Variants in ULK4 observed in about 807,000 individuals in gnomAD.
The protein encoded by ULK4 is unc-51 like kinase 4.
A neutral mutation model predicts 160.6 loss-of-function variants in ULK4; 133 were observed. That is an observed-to-expected ratio of 0.83 (90% CI 0.72 to 0.96). ULK4 has a LOEUF of 0.96. Ranked by LOEUF, ULK4 falls within the 40% of genes least tolerant of loss-of-function variation. The pLI is 0.00. For synonymous variants in ULK4, 534 were observed against 539.8 expected (o/e 0.99, Z 0.15); for missense variants, 1,580 against 1,499.5 (o/e 1.05, Z -0.89).
intron 32 of ULK4, among the ~76,000 whole-genome samples, chr3:41,516,955 CTA>C (rs2085770066): frequency 6.6e-6 from 1 of 152,070 alleles, no homozygotes; most frequent in Non-Finnish European, 1.5e-5. Context: ...TATACACCTA[CTA>C]TGTACCCATA....
intron 30 of ULK4, among the ~76,000 whole-genome samples, chr3:41,641,110 T>A (rs184263727): frequency 2.0e-5 from 3 of 152,208 alleles, no homozygotes; most frequent in East Asian, 3.9e-4. Flanking sequence ...GCAGCCACTA[T>A]AAGTCTTTTC....
At chr3:41,604,543 T>C (rs533221380) in intron 31 of ULK4, among the ~76,000 whole-genome samples, 1 of 152,236 alleles carries the variant, frequency 6.6e-6, no homozygotes, top group Non-Finnish European at 1.5e-5. Flanking sequence ...TCATTAAACA[T>C]ACATGAAATA....
intron 31 of ULK4, among the ~76,000 whole-genome samples, chr3:41,592,412 G>A (rs943107985): frequency 1.9e-4 from 29 of 152,144 alleles, no homozygotes; most frequent in African/African-American, 6.0e-4. Context: ...AGGCCACAGG[G>A]AGAAAGGGTG....
intron 35 of ULK4, among the ~76,000 whole-genome samples, chr3:41,308,459 T>C (rs2079990114): frequency 6.6e-6 from 1 of 151,168 alleles, no homozygotes; most frequent in South Asian, 2.1e-4. Context: ...AAGTTGATTA[T>C]AGGTATAGAA....
At chr3:41,654,602 T>C (rs1231747046) in intron 30 of ULK4, among the ~76,000 whole-genome samples, 1 of 152,190 alleles carries the variant, frequency 6.6e-6, no homozygotes, top group East Asian at 1.9e-4. Flanking sequence ...AAAGGGAGTC[T>C]TTAAAAAGCT....
intron 35 of ULK4, among the ~76,000 whole-genome samples, chr3:41,374,100 C>A (rs553082098): frequency 3.3e-5 from 5 of 152,244 alleles, no homozygotes; most frequent in South Asian, 2.1e-4. Context: ...GAAGTTGAAT[C>A]CCTGAATAGA....
chr3:41,324,633 G>A (rs573307979), intron 35 of ULK4, among the ~76,000 whole-genome samples: 1 of 152,316 alleles, frequency 6.6e-6, no homozygotes, highest in South Asian at 2.1e-4. Context: ...GCAGGTGGAA[G>A]TGGCCATGGG....
chr3:41,400,995 T>A (rs943541678), intron 34 of ULK4, among the ~76,000 whole-genome samples: 1 of 152,214 alleles, frequency 6.6e-6, no homozygotes, highest in Non-Finnish European at 1.5e-5. Context: ...GGTGTTTGAT[T>A]CTTTATTCTT....
chr3:41,920,420 C>G (rs1383407012), intron 5 of ULK4, among the ~76,000 whole-genome samples: 1 of 152,196 alleles, frequency 6.6e-6, no homozygotes, highest in Non-Finnish European at 1.5e-5. Context: ...TAGTGAAAAG[C>G]CCCATTGTGT....
At chr3:41,444,361 T>TTCTCTCTCTCTCTC (rs56744200) in intron 34 of ULK4, among the ~76,000 whole-genome samples, 1,523 of 146,600 alleles carry the variant, frequency 0.01, 29 homozygotes, top group African/African-American at 0.037. Flanking sequence ...TTTAAGTGAC[T>TTCTCTCTCTCTCTC]TCTCTCTCTC....
rs569105436 is a variant in ULK4, at chr3:41,890,678, CAAAAT to C, written c.1577+4835_1577+4839del. On this transcript the variant is annotated intron_variant, in intron 16 of 36. Transcript: ENST00000301831. The stretch of plus-strand genomic sequence containing the variant: ...TGGGCGACAGAGCAAGACTCTGTCT[CAAAAT>C]AAACAGAAAGAAAAGAAGGGAAGGA... 6.4e-3 allele frequency among the ~76,000 whole-genome samples: 791 copies of C among 122,860 alleles called. 8 individuals are homozygous for C. Among genetic ancestry groups the C allele is most frequent in the African/African-American group, 0.024 (763 of 31,356 alleles). The allele number at this position is 122,860 out of a possible 152,430, so 80.6% of individuals were successfully genotyped here.
chr3:41,599,355 GTAAC>G (rs2031906187), intron 31 of ULK4, among the ~76,000 whole-genome samples: 2 of 152,018 alleles, frequency 1.3e-5, no homozygotes, highest in Non-Finnish European at 2.9e-5. Flanking sequence ...TAATGTTTAG[GTAAC>G]CTGATCAACC....
intron 20 of ULK4, among the ~76,000 whole-genome samples, chr3:41,794,691 G>GAAA (rs148265682): frequency 0.095 from 6,127 of 64,316 alleles, 442 homozygotes; most frequent in East Asian, 0.23. Flanking sequence ...AAAAAACACA[G>GAAA]AAAAAAAAAC....
At chr3:41,877,906 G>A (rs1250142481) in intron 17 of ULK4, among the ~76,000 whole-genome samples, 3 of 151,760 alleles carry the variant, frequency 2.0e-5, no homozygotes, top group Non-Finnish European at 2.9e-5. Context: ...GCTTGAACCC[G>A]GGAGGCAGAG....
chr3:41,279,255 T>TAAAAAAAAA (rs771175184), intron 35 of ULK4, among the ~76,000 whole-genome samples: 6 of 43,064 alleles, frequency 1.4e-4, no homozygotes, highest in African/African-American at 2.5e-4. Context: ...AAAAAAAGAG[T>TAAAAAAAAA]AAAAAAAAAA....
intron 35 of ULK4, among the ~76,000 whole-genome samples, chr3:41,280,843 C>G (rs982598435): frequency 6.6e-6 from 1 of 151,946 alleles, no homozygotes; most frequent in Non-Finnish European, 1.5e-5. Flanking sequence ...ACACAAAAAC[C>G]CTTCAAAAAA....
rs560043605 is a variant in ULK4 at position 41,454,131 on chromosome 3, C to G, written c.3492+1366G>C. ...ACATGGCACATGTATACATATGTAA[C>G]AAACCTGCACATTGTGCACATGTAC... On this transcript the variant is annotated intron_variant, in intron 34 of 36. Coordinates refer to ENST00000301831, the MANE Select transcript of ULK4 (RefSeq NM_017886.4). 4.6e-3 allele frequency among the ~76,000 whole-genome samples: 650 copies of G among 142,774 alleles called. 3 individuals carry two copies. Among genetic ancestry groups the G allele is most frequent in the African/African-American group, 0.016 (623 of 38,200 alleles). The allele number at this position is 142,774 out of a possible 152,430, so 93.7% of individuals were successfully genotyped here.
chr3:41,835,740 T>A, intron 18 of ULK4, 124 bp downstream of exon 18: 1 of 589,912 alleles, frequency 1.7e-6, no homozygotes, highest in South Asian at 2.9e-5. Flanking sequence ...GTAAAATTTA[T>A]CCTAAGTTCC....
At chr3:41,930,074 C>T (rs1296080051) in intron 5 of ULK4, among the ~76,000 whole-genome samples, 1 of 152,152 alleles carries the variant, frequency 6.6e-6, no homozygotes, top group African/African-American at 2.4e-5. Context: ...ATCGCACTAC[C>T]TAACCTCAAA....
Sources: gnomAD v4.1 joint callset for allele counts (sites outside exome capture counted in the v4.1 genomes callset) on GRCh38, gnomAD v4.1.1 for gene constraint, MANE v1.5 for transcripts, NCBI Gene and HGNC (gene_info 2026-07-23, HGNC 2026-07-21) for gene names.